DPP6: variants seen among roughly 807,000 people sequenced by gnomAD.
DPP6 encodes dipeptidyl peptidase like 6.
DPP6 carries 69 observed loss-of-function variants against 122.6 expected under a neutral mutation model. That is an observed-to-expected ratio of 0.56 (90% CI 0.46 to 0.69). DPP6 has a LOEUF of 0.69. Among genes scored for constraint, DPP6 ranks in the 30% least tolerant of loss-of-function variants. DPP6 has a pLI of 0.00. For missense variants in DPP6, 928 were observed against 1,116.9 expected (o/e 0.83, Z 2.41); for synonymous variants, 418 against 433.1 (o/e 0.97, Z 0.43).
At chr7:154,468,365 T>C (rs925463570) in intron 2 of DPP6, among the ~76,000 whole-genome samples, 1 of 152,196 alleles carries the variant, frequency 6.6e-6, no homozygotes, top group African/African-American at 2.4e-5. Context: ...TTGGGGGTAA[T>C]AAAAATGTTC....
In DPP6 at chr7:154,801,385, C is replaced by G; in HGVS notation, c.1330C>G (p.Arg444Gly). 1 of 1,595,510 alleles carries G rather than the reference C, an allele frequency of 6.3e-7. No homozygotes were observed. Among genetic ancestry groups the G allele is most frequent in the Non-Finnish European group, 8.5e-7 (1 of 1,170,244 alleles). ...NEEPVFSKDG[R>G]KFFFIRAIPQ... ...AGAACCTGTGTTCTCCAAGGATGGCCGAAAGTTTTTCTTCATCAGAGCCAT... is the reference window on the plus strand; with the variant it reads ...AGAACCTGTGTTCTCCAAGGATGGCGGAAAGTTTTTCTTCATCAGAGCCAT... Residue 444 changes from arginine (R) to glycine (G), a missense_variant, in exon 13 of 26, where the codon CGA (arginine) becomes GGA (glycine). Arg to Gly is a moderately radical substitution (Grantham distance 125). Transcript: ENST00000377770.
At chr7:154,684,515 G>A (rs954177093) in intron 7 of DPP6, among the ~76,000 whole-genome samples, 22 of 152,142 alleles carry the variant, frequency 1.4e-4, no homozygotes, top group African/African-American at 4.8e-4. Context: ...GCGTAAACTC[G>A]ATTTATGAAT....
chr7:154,615,146 C>A lies in DPP6; in HGVS notation c.628-22675C>A, dbSNP rs751893110. Among the ~76,000 whole-genome samples the A allele has an allele frequency of 3.5e-4, 54 of 152,286 alleles. 1 individual carries two copies. Among genetic ancestry groups the A allele is most frequent in the Middle Eastern group, 3.4e-3 (1 of 294 alleles). On this transcript the variant is annotated intron_variant, in intron 5 of 25. Coordinates refer to ENST00000377770, the MANE Select transcript of DPP6 (RefSeq NM_130797.4). ...GGAAATCAAAAGGCCGTGGTTCTTG[C>A]CCATCTTTATCATGGGTAGATTTCT... is the stretch of plus-strand genomic sequence containing the variant.
Position 153,994,513 on chromosome 7 carries a change from T to C in DPP6, c.51+106779T>C, listed in dbSNP as rs1797337979. ...GGTTAGCAGGGTCTAGAAAGAGCCATCCATCTCAACAACAGTGGATTTAGA... is the reference window on the plus strand; with the variant it reads ...GGTTAGCAGGGTCTAGAAAGAGCCACCCATCTCAACAACAGTGGATTTAGA... On this transcript the variant is annotated intron_variant, in intron 1 of 25. Coordinates refer to the DPP6 transcript ENST00000404039. Among the ~76,000 whole-genome samples the C allele has an allele frequency of 2.0e-5, 3 of 152,124 alleles. No individual in the cohort carries two copies. In the South Asian group the frequency reaches 6.2e-4, roughly 32 times the overall value.
rs530798779 is a variant in DPP6 at position 153,898,591 on chromosome 7, T to C, written c.51+10857T>C. On this transcript the variant is annotated intron_variant, in intron 1 of 25. Transcript: ENST00000404039. ...ACCTCATAAATATGTATAATTATTA[T>C]GTATCAACAAGAAAATGAAAACGAG... is the stretch of plus-strand genomic sequence containing the variant. Among the ~76,000 whole-genome samples, 28 of 152,360 alleles carry C rather than the reference T, an allele frequency of 1.8e-4. 1 individual carries two copies. In the South Asian group the frequency reaches 4.4e-3, roughly 24 times the overall value.
chr7:154,070,139 TC>T (rs1803015741), intron 1 of DPP6, among the ~76,000 whole-genome samples: 1 of 149,938 alleles, frequency 6.7e-6, no homozygotes, highest in Non-Finnish European at 1.5e-5. Context: ...CTGTGTACTA[TC>T]AGGAATTTAG....
intron 1 of DPP6, among the ~76,000 whole-genome samples, chr7:153,983,167 C>T (rs1377783747): frequency 6.6e-6 from 1 of 152,230 alleles, no homozygotes; most frequent in Non-Finnish European, 1.5e-5. Context: ...CCCAAAGGTG[C>T]TGTGTCTCAG....
intron 11 of DPP6, among the ~76,000 whole-genome samples, chr7:154,794,572 C>T (rs1797900888): frequency 6.6e-6 from 1 of 152,242 alleles, no homozygotes; most frequent in African/African-American, 2.4e-5. Flanking sequence ...TGCCTTTCCC[C>T]AGACCCCGCC....
At chr7:154,561,649 G>C (rs934281985) in intron 4 of DPP6, among the ~76,000 whole-genome samples, 7 of 151,872 alleles carry the variant, frequency 4.6e-5, no homozygotes, top group Non-Finnish European at 1.5e-5. Context: ...CAATAAACTA[G>C]GAAAAAAGAT....
At chr7:153,783,699 G>A in the DPP6 span, among the ~76,000 whole-genome samples, 1 of 152,194 alleles carries the variant, frequency 6.6e-6, no homozygotes, top group African/African-American at 2.4e-5. Context: ...GATGATCAGA[G>A]AGTAATTCAT....
chr7:153,909,422 CA>C (rs373040685), intron 1 of DPP6, among the ~76,000 whole-genome samples: 1 of 146,804 alleles, frequency 6.8e-6, no homozygotes, highest in Non-Finnish European at 1.5e-5. Flanking sequence ...CATGCTTTTA[CA>C]TTTATCTATC....
In DPP6 at chr7:153,937,289, A is replaced by C. The variant is rs539011822; in HGVS notation, c.51+49555A>C. On this transcript the variant is annotated intron_variant, in intron 1 of 25. Coordinates refer to the DPP6 transcript ENST00000404039. ...TACGCTGGCTGATGGCTGTCGCAAA[A>C]CACTAAGTTTATTACATAAAAGCCT... is the stretch of plus-strand genomic sequence containing the variant. 3.3e-5 allele frequency among the ~76,000 whole-genome samples: 5 copies of C among 152,238 alleles called. No individual in the cohort carries two copies. In the South Asian group the frequency reaches 1.0e-3, roughly 32 times the overall value.
chr7:153,855,270 T>TA, the DPP6 span, among the ~76,000 whole-genome samples: 1 of 145,148 alleles, frequency 6.9e-6, no homozygotes. Flanking sequence ...ATAATACCTA[T>TA]AAAAAAAATA....
intron 4 of DPP6, among the ~76,000 whole-genome samples, chr7:154,543,766 G>T (rs1318494696): frequency 6.6e-6 from 1 of 152,036 alleles, no homozygotes; most frequent in Non-Finnish European, 1.5e-5. Context: ...GGCCAAGGCG[G>T]GTGGATCACT....
intron 1 of DPP6, among the ~76,000 whole-genome samples, chr7:154,363,631 G>T (rs748087584): frequency 5.9e-5 from 9 of 152,148 alleles, no homozygotes; most frequent in Non-Finnish European, 1.2e-4. Context: ...ACCATGCTCC[G>T]TGGGTTGACA....
intron 1 of DPP6, among the ~76,000 whole-genome samples, chr7:154,062,205 G>A (rs1198257766): frequency 9.8e-6 from 1 of 101,776 alleles, no homozygotes; most frequent in Non-Finnish European, 2.1e-5. Flanking sequence ...CCACCTGGAG[G>A]ACTGCGGGTG....
At chr7:153,849,283 T>C in the DPP6 span, among the ~76,000 whole-genome samples, 1 of 152,066 alleles carries the variant, frequency 6.6e-6, no homozygotes, top group South Asian at 2.1e-4. Flanking sequence ...TTCTTTTTTT[T>C]TTTTTGAATA....
chr7:154,207,146 CACCCACATA>C (rs907874946), intron 1 of DPP6, among the ~76,000 whole-genome samples: 25 of 152,236 alleles, frequency 1.6e-4, no homozygotes, highest in African/African-American at 5.3e-4. Context: ...CACATTAACA[CACCCACATA>C]GCACACATAT....
chr7:154,826,778 C>T (rs1800183362), intron 16 of DPP6, among the ~76,000 whole-genome samples: 1 of 152,216 alleles, frequency 6.6e-6, no homozygotes, highest in African/African-American at 2.4e-5. Context: ...AAAGTAGGAT[C>T]ATCCATGTGC....
Sources: gnomAD v4.1 joint callset for allele counts (sites outside exome capture counted in the v4.1 genomes callset) on GRCh38, gnomAD v4.1.1 for gene constraint, MANE v1.5 for transcripts, NCBI Gene and HGNC (gene_info 2026-07-23, HGNC 2026-07-21) for gene names.